Variants in PRDM2 observed in about 807,000 individuals in gnomAD.
PRDM2 encodes PR domain zinc finger protein 2.
A neutral mutation model predicts 130.0 loss-of-function variants in PRDM2; 30 were observed. The observed-to-expected ratio is 0.23, with a 90% CI of 0.17 to 0.31. PRDM2 has a LOEUF of 0.31. PRDM2 is among the 10% of genes least tolerant of loss of function. The pLI, the probability that PRDM2 is intolerant of heterozygous loss-of-function variation, is 1.00. For missense variants in PRDM2, 2,011 were observed against 2,108.4 expected (o/e 0.95, Z 0.90); for synonymous variants, 871 against 782.4 (o/e 1.11, Z -1.89).
intron 8 of PRDM2, among the ~76,000 whole-genome samples, chr1:13,785,300 G>A (rs1570034937): frequency 6.6e-6 from 1 of 152,180 alleles, no homozygotes. Flanking sequence ...TCTGTTTGCA[G>A]CTTGCTTTAC....
chr1:13,766,269 G>A (rs1341412285), intron 6 of PRDM2, among the ~76,000 whole-genome samples: 1 of 152,134 alleles, frequency 6.6e-6, no homozygotes, highest in Non-Finnish European at 1.5e-5. Flanking sequence ...CCTAGGAAGG[G>A]CCCTCTTATG....
chr1:13,817,959 T>G (rs937276460), intron 9 of PRDM2, among the ~76,000 whole-genome samples: 3 of 152,094 alleles, frequency 2.0e-5, no homozygotes, highest in African/African-American at 7.2e-5. Flanking sequence ...AATCCTGAGT[T>G]TACATCTCTG....
chr1:13,785,840 T>TC (rs1378486440), intron 8 of PRDM2, among the ~76,000 whole-genome samples: 2 of 149,766 alleles, frequency 1.3e-5, no homozygotes, highest in African/African-American at 4.9e-5. Context: ...GGTTCTTTTT[T>TC]TTTTTTTTTT....
At chr1:13,798,271 A>G (rs1383945014) in intron 8 of PRDM2, among the ~76,000 whole-genome samples, 1 of 152,242 alleles carries the variant, frequency 6.6e-6, no homozygotes, top group Non-Finnish European at 1.5e-5. Flanking sequence ...ACCCTAACTC[A>G]TGACCCTCTT....
In PRDM2 at chr1:13,816,490, T is replaced by TA. The variant is rs763774608; in HGVS notation, c.5101dup (p.Arg1701LysfsTer26). The TA allele has an allele frequency of 4.3e-6, 7 of 1,613,930 alleles. No homozygotes were observed. The highest frequency in any genetic ancestry group is 8.5e-7 in the Non-Finnish European group (1 of 1,179,966). ...CGGCCCCGTACATCACCAGGCAGTA[T>TA]AGGAAGGTCAAAGCTCCAGCTGCAG... is the stretch of plus-strand genomic sequence containing the variant. On this transcript the variant is annotated frameshift_variant, in exon 9 of 10. Coordinates refer to ENST00000311066, the MANE Select transcript of PRDM2 (RefSeq NM_001393986.1). LOFTEE classifies it high-confidence loss of function.
At chr1:13,793,746 TC>T (rs1644879001) in intron 8 of PRDM2, among the ~76,000 whole-genome samples, 1 of 152,186 alleles carries the variant, frequency 6.6e-6, no homozygotes, top group African/African-American at 2.4e-5. Context: ...TCTTTTGGCT[TC>T]CCTGGCCCAC....
intron 8 of PRDM2, among the ~76,000 whole-genome samples, chr1:13,792,715 T>TA (rs762200706): frequency 3.9e-5 from 6 of 152,140 alleles, no homozygotes; most frequent in Non-Finnish European, 5.9e-5. Context: ...CTGGGACTCT[T>TA]AGAGGACCCT....
intron 8 of PRDM2, chr1:13,786,431 G>T: frequency 6.5e-7 from 1 of 1,540,242 alleles, no homozygotes; most frequent in African/African-American, 1.4e-5. Flanking sequence ...TTGTCTTACG[G>T]TCTATTCACC....
At position 13,780,235 on chromosome 1, in the gene PRDM2, G is replaced by A. The variant is rs1197292751; in HGVS notation, c.2440G>A (p.Ala814Thr). ...KMSKEWTASS[A>T]FSSVCNQQPL... ...GTCTAAAGAGTGGACAGCTAGTTCT[G>A]CTTTTAGCAGTGTGTGCAACCAGCA... The change falls in exon 8 of 10, where the codon GCT becomes ACT. Residue 814 changes from alanine to threonine, a missense_variant. Coordinates refer to ENST00000311066, the MANE Select transcript of PRDM2 (RefSeq NM_001393986.1). 4 of 1,612,214 alleles carry A rather than the reference G, an allele frequency of 2.5e-6. No homozygotes were observed. Among genetic ancestry groups the A allele is most frequent in the Non-Finnish European group, 3.4e-6 (4 of 1,178,944 alleles).
At chr1:13,749,277 C>G (rs1643723281) in intron 5 of PRDM2, 84 bp from the exon 6 acceptor site, 1 of 1,246,764 alleles carries the variant, frequency 8.0e-7, no homozygotes, top group Non-Finnish European at 1.0e-6. Context: ...GGCGCCGCTC[C>G]CGCCCGCGTC....
At chr1:13,750,732 G>A (rs1023016746) in intron 6 of PRDM2, among the ~76,000 whole-genome samples, 33 of 151,278 alleles carry the variant, frequency 2.2e-4, no homozygotes, top group Non-Finnish European at 7.4e-5. Flanking sequence ...AGCATTAAAT[G>A]CTTTTGATCC....
intron 6 of PRDM2, chr1:13,769,020 C>T: frequency 1.8e-6 from 1 of 549,490 alleles, no homozygotes; most frequent in Non-Finnish European, 2.3e-6. Context: ...GTATTCATTT[C>T]TTTTCCTCAT....
At chr1:13,720,580 T>C (rs1317657848) in intron 2 of PRDM2, among the ~76,000 whole-genome samples, 1 of 152,096 alleles carries the variant, frequency 6.6e-6, no homozygotes, top group Non-Finnish European at 1.5e-5. Context: ...ATGAAACTAT[T>C]CTACAGGGCA....
chr1:13,783,282 T>A (rs949163366), intron 8 of PRDM2: 19 of 404,010 alleles, frequency 4.7e-5, no homozygotes, highest in African/African-American at 3.5e-4. Context: ...TCAGCATAGA[T>A]CTAGTACCTG....
At chr1:13,705,166 G>C (rs764379510) in intron 1 of PRDM2, 19 of 152,156 alleles carry the variant, frequency 1.2e-4, no homozygotes, top group Admixed American at 1.3e-4. Context: ...GGCTATGGTG[G>C]GGGTAGGTAG....
chr1:13,758,622 A>G (rs1644020615), intron 6 of PRDM2, among the ~76,000 whole-genome samples: 1 of 152,142 alleles, frequency 6.6e-6, no homozygotes, highest in Non-Finnish European at 1.5e-5. Context: ...CTTTGTTTAA[A>G]AGGTTAAAAC....
intron 6 of PRDM2, among the ~76,000 whole-genome samples, chr1:13,772,716 C>T (rs1644385618): frequency 2.0e-5 from 3 of 152,188 alleles, no homozygotes; most frequent in African/African-American, 7.2e-5. Flanking sequence ...TCCCTATTAG[C>T]TGTGTGGCAT....
In PRDM2 at chr1:13,824,464, GTTAT is replaced by G. The variant is rs892950184; in HGVS notation, c.*1333_*1336del. On this transcript the variant is annotated 3_prime_UTR_variant, in exon 10 of 10. Transcript: ENST00000311066. ...CCATTTTTAAAGTTTTATAACTTGT[GTTAT>G]TTAATGAGTCAGTCAATCGGCTGCA... The G allele has an allele frequency of 1.1e-4, 16 of 152,134 alleles. No homozygotes were observed. Among genetic ancestry groups the G allele is most frequent in the Admixed American group, 1.0e-3 (16 of 15,274 alleles). 9.4% of individuals were successfully genotyped at this position (152,134 alleles called of 1,614,324 possible).
chr1:13,761,093 C>T (rs1448529307), intron 6 of PRDM2, among the ~76,000 whole-genome samples: 2 of 152,230 alleles, frequency 1.3e-5, no homozygotes, highest in East Asian at 3.8e-4. Flanking sequence ...AACGAGGACA[C>T]CTGTGGTGAC....
Sources: gnomAD v4.1 joint callset for allele counts (sites outside exome capture counted in the v4.1 genomes callset) on GRCh38, gnomAD v4.1.1 for gene constraint, MANE v1.5 for transcripts, NCBI Gene and HGNC (gene_info 2026-07-23, HGNC 2026-07-21) for gene names.